Variants in ZNF648 observed in about 807,000 individuals in gnomAD.
The protein encoded by ZNF648 is zinc finger protein 648.
A neutral mutation model predicts 0.3 loss-of-function variants in ZNF648; 1 was observed. The observed-to-expected ratio is 3.90, with a 90% confidence interval of 1.39 to 18.51. ZNF648 has a LOEUF of 18.51. Among genes scored for constraint, ZNF648 ranks in the 30% most tolerant of loss-of-function variants. The pLI, the probability that ZNF648 is intolerant of heterozygous loss-of-function variation, is 0.11. For synonymous variants in ZNF648, 376 were observed against 326.8 expected (o/e 1.15, Z -1.62); for missense variants, 874 against 769.7 (o/e 1.14, Z -1.60).
Position 182,056,155 on chromosome 1 carries a change from T to G in ZNF648, c.*149A>C. The G allele has an allele frequency of 2.0e-6, 2 of 997,092 alleles. No homozygotes were observed. Among genetic ancestry groups the G allele is most frequent in the South Asian group, 2.5e-5 (1 of 40,054 alleles). The allele number at this position is 997,092 out of a possible 1,614,324, so 61.8% of individuals were successfully genotyped here. A position where few individuals can be genotyped will look rare whatever the true frequency, so the allele number is the denominator to read the frequency against. ...ACCTGGGTGCTCTCTCGGTGGTGAC[T>G]TTCTGTTCAAGGGATCAAATAAATA... On this transcript the variant is annotated 3_prime_UTR_variant, in exon 2 of 2. Transcript: ENST00000339948.
At chr1:182,059,403 G>A (rs1194898588) in intron 1 of ZNF648, among the ~76,000 whole-genome samples, 4 of 152,202 alleles carry the variant, frequency 2.6e-5, no homozygotes, top group African/African-American at 9.7e-5. Flanking sequence ...GATTTTAAAG[G>A]AGTTACTAGA....
chr1:182,064,712 G>A (rs1162620317), upstream of ZNF648: 1 of 152,228 alleles, frequency 6.6e-6, no homozygotes, highest in Non-Finnish European at 1.5e-5. Flanking sequence ...CATTTGGGGA[G>A]AGCATGGGAT....
chr1:182,056,966 C>T lies in ZNF648; in HGVS notation c.1045G>A (p.Asp349Asn), dbSNP rs776181124. 2 of 1,613,480 alleles carry T rather than the reference C, an allele frequency of 1.2e-6. No homozygotes were observed. The highest frequency in any genetic ancestry group is 1.1e-5 in the South Asian group (1 of 91,038). ...ATGTTGCGCTGGTGTTTGCGCAGGT[C>T]CGAAGAGCGCACGAAGGCCTTCCCG... ...DCGKAFVRSS[D>N]LRKHQRNMHS... Residue 349 changes from aspartate to asparagine, a missense_variant, in exon 2 of 2, where the codon GAC (aspartate) becomes AAC (asparagine). Coordinates refer to ENST00000339948, the MANE Select transcript of ZNF648 (RefSeq NM_001009992.1).
At chr1:182,068,943 C>T in the ZNF648 span, 3 of 5,888 alleles carry the variant, frequency 5.1e-4, no homozygotes, top group Admixed American at 6.9e-3. Flanking sequence ...AAATTTTCCT[C>T]TCTGTTCTTA....
rs775490974 is a variant in ZNF648 at position 182,056,467 on chromosome 1, A to T, written c.1544T>A (p.Ile515Asn). The change falls in exon 2 of 2, where the codon ATT (isoleucine) becomes AAT (asparagine). Residue 515 changes from isoleucine (I) to asparagine (N), a missense_variant. By Grantham distance (149) the Ile-to-Asn change is moderately radical (BLOSUM62 -3). Transcript: ENST00000339948. ...LCAECGRAFR[I>N]ASELAQHIRM... The stretch of plus-strand genomic sequence containing the variant: ...TATGTGCTGGGCCAACTCAGAGGCA[A>T]TGCGGAAGGCCCTGCCGCACTCGGC... 6.2e-7 allele frequency: 1 copy of T among 1,613,924 alleles called. No homozygotes were observed. Among genetic ancestry groups the T allele is most frequent in the Non-Finnish European group, 8.5e-7 (1 of 1,179,934 alleles).
rs1665908884 is a variant in ZNF648 at position 182,056,407 on chromosome 1, TCA to T, written c.1602_1603del (p.Cys534Ter). On this transcript the variant is annotated stop_gained and frameshift_variant, in exon 2 of 2. Transcript: ENST00000339948. LOFTEE classifies it low-confidence loss of function (END_TRUNC). ...CCTGGTGAAGGCCTGGCCGCAGTCC[TCA>T]CACTGGTAGGGCCTCTCTCCGTTGT... The T allele has an allele frequency of 1.9e-6, 3 of 1,614,040 alleles. No homozygotes were observed. The Admixed American group carries it at 5.0e-5, about 27-fold the overall frequency.
chr1:182,056,577 G>T lies in ZNF648; in HGVS notation c.1434C>A (p.Cys478Ter). Residue 478 changes from cysteine to a stop codon, truncating the protein, a stop_gained, in exon 2 of 2, where the codon TGC becomes TGA. Coordinates refer to ENST00000339948, the MANE Select transcript of ZNF648 (RefSeq NM_001009992.1). LOFTEE classifies it low-confidence loss of function (END_TRUNC). ...GGGCAAAGGCCTGGCCACACTGCGT[G>T]CAAGGAAAGGGCCTCTCGCCAGTGT... ...RIHTGERPFP[C>*]TQCGQAFARS... is the part of the protein sequence containing the mutation. The T allele has an allele frequency of 6.2e-7, 1 of 1,614,052 alleles. No individual in the cohort carries two copies. The highest frequency in any genetic ancestry group is 8.5e-7 in the Non-Finnish European group (1 of 1,179,974).
Position 182,057,868 on chromosome 1 carries a change from G to A in ZNF648, c.143C>T (p.Thr48Ile), listed in dbSNP as rs1231617036. ...EDGGEAEKEG[T>I]ADPVACPRGS... The stretch of plus-strand genomic sequence containing the variant: ...CCTTGGACAGGCCACCGGGTCAGCG[G>A]TGCCCTCTTTTTCGGCCTCCCCACC... The change falls in exon 2 of 2, where the codon ACC becomes ATC. Residue 48 changes from threonine (T) to isoleucine (I), a missense_variant. By Grantham distance (89) the Thr-to-Ile change is moderately conservative. Transcript: ENST00000339948. 5 of 1,614,162 alleles carry A rather than the reference G, an allele frequency of 3.1e-6. No individual in the cohort carries two copies. The highest frequency in any genetic ancestry group is 2.2e-5 in the East Asian group (1 of 44,858).
rs1378816123 is a variant in ZNF648, at chr1:182,057,936, G to A, written c.75C>T (p.Asp25=). Reference sequence around the variant, plus strand: ...CTAAGTTCATGCTCAGCATCTGGGTGTCATGAGCTTCCTCAGTCAAGCTGC... The same window carrying A: ...CTAAGTTCATGCTCAGCATCTGGGTATCATGAGCTTCCTCAGTCAAGCTGC... ...PLSSLTEEAH[D]TQMLSMNLES... Residue 25 remains aspartate (D), a synonymous_variant, in exon 2 of 2, where the codon GAC becomes GAT. Transcript: ENST00000339948. The A allele has an allele frequency of 2.5e-6, 4 of 1,613,968 alleles. No individual in the cohort carries two copies. The African/African-American group carries it at 4.0e-5, about 16-fold the overall frequency.
chr1:182,062,625 A>C (rs987434218), upstream of ZNF648: 1 of 152,214 alleles, frequency 6.6e-6, no homozygotes, highest in Non-Finnish European at 1.5e-5. Context: ...TAATGCATGT[A>C]AGGAGCTTAG....
In ZNF648 at chr1:182,057,178, C is replaced by A; in HGVS notation, c.833G>T (p.Arg278Leu). Reference sequence around the variant, plus strand: ...CTTCCCGCATAGCTCGCACGCGTAGCGCTTGGCGGCGCCGCCGCGCGTCTC... The same window carrying A: ...CTTCCCGCATAGCTCGCACGCGTAGAGCTTGGCGGCGCCGCCGCGCGTCTC... ...PAETRGGAAK[R>L]YACELCGKAY... The change falls in exon 2 of 2, where the codon CGC (arginine) becomes CTC (leucine). Residue 278 changes from arginine to leucine, a missense_variant. Transcript: ENST00000339948. 6.3e-7 allele frequency: 1 copy of A among 1,583,902 alleles called. No individual in the cohort carries two copies. The highest frequency in any genetic ancestry group is 1.8e-5 in the Admixed American group (1 of 56,786).
upstream of ZNF648, among the ~76,000 whole-genome samples, chr1:182,065,844 A>G (rs373777641): frequency 9.5e-4 from 144 of 152,304 alleles, 3 homozygotes; most frequent in South Asian, 0.025. Context: ...TGGTCAACCT[A>G]TTGCTCAGAC....
intron 1 of ZNF648, among the ~76,000 whole-genome samples, chr1:182,060,927 C>T (rs905152378): frequency 6.6e-6 from 1 of 152,160 alleles, no homozygotes; most frequent in Non-Finnish European, 1.5e-5. Flanking sequence ...GCACAAATAC[C>T]CCATTTTCCA....
In ZNF648 at chr1:182,055,484, G is replaced by C. The variant is rs190957710; in HGVS notation, c.*820C>G. Reference sequence around the variant, plus strand: ...ATCACATATGACTTAAGCCCTCAGAGTGCAAACAGGAAAAGAGGCAGCCAG... The same window carrying C: ...ATCACATATGACTTAAGCCCTCAGACTGCAAACAGGAAAAGAGGCAGCCAG... On this transcript the variant is annotated 3_prime_UTR_variant, in exon 2 of 2. Transcript: ENST00000339948. This position sits in a 1 kb window ranked among gnomAD's most constrained non-coding sequence, Gnocchi z 4.1. 3 of 152,340 alleles carry C rather than the reference G, an allele frequency of 2.0e-5. No individual in the cohort carries two copies. The highest frequency in any genetic ancestry group is 4.8e-5 in the African/African-American group (2 of 41,580). 9.4% of individuals were successfully genotyped at this position (152,340 alleles called of 1,614,324 possible). A position where few individuals can be genotyped will look rare whatever the true frequency, so the allele number is the denominator to read the frequency against.
At position 182,061,624 on chromosome 1, in the gene ZNF648, C is replaced by T. The variant is rs1666032928; in HGVS notation, c.-120G>A. ...TGCCCTGGCTTCTGTGACACGTGGGCTCTCAGCAACAGGAACCAGTTAGGT... is the reference window on the plus strand; with the variant it reads ...TGCCCTGGCTTCTGTGACACGTGGGTTCTCAGCAACAGGAACCAGTTAGGT... On this transcript the variant is annotated 5_prime_UTR_variant, in exon 1 of 2. Transcript: ENST00000339948. 6.6e-6 allele frequency: 1 copy of T among 152,388 alleles called. No homozygotes were observed. The highest frequency in any genetic ancestry group is 1.5e-5 in the Non-Finnish European group (1 of 68,174). 9.4% of individuals were successfully genotyped at this position (152,388 alleles called of 1,614,324 possible).
Position 182,056,859 on chromosome 1 carries a change from G to C in ZNF648, c.1152C>G (p.Arg384=). ...GGAAGGGCTTGGCGCCCAGGTGCGT[G>C]CGCTGGTGGCGCAGCAGCGACAGCG... is the stretch of plus-strand genomic sequence containing the variant. The part of the protein sequence containing the change: ...NKPLSLLRHQ[R]THLGAKPFRC... The change falls in exon 2 of 2, where the codon CGC becomes CGG. Residue 384 remains arginine, a synonymous_variant. Coordinates refer to ENST00000339948, the MANE Select transcript of ZNF648 (RefSeq NM_001009992.1). 1.3e-6 allele frequency: 2 copies of C among 1,564,396 alleles called. No homozygotes were observed. The highest frequency in any genetic ancestry group is 2.7e-5 in the African/African-American group (2 of 73,926).
chr1:182,066,206 G>A (rs2101924136), upstream of ZNF648, among the ~76,000 whole-genome samples: 1 of 152,356 alleles, frequency 6.6e-6, no homozygotes, highest in South Asian at 2.1e-4. Context: ...AGCAGAGACT[G>A]AAGGAGTAAC....
rs1222904040 is a variant in ZNF648, at chr1:182,057,803, A to G, written c.208T>C (p.Trp70Arg). 5.6e-6 allele frequency: 9 copies of G among 1,614,096 alleles called. No homozygotes were observed. The Middle Eastern group carries it at 4.9e-4, about 88-fold the overall frequency. Reference sequence around the variant, plus strand: ...TCCTCTTTGCCCAGTGGATGGGGCCATGGCAAGTCAGGATTTTCGTGTGTT... The same window carrying G: ...TCCTCTTTGCCCAGTGGATGGGGCCGTGGCAAGTCAGGATTTTCGTGTGTT... The part of the protein sequence containing the change: ...PVTHENPDLP[W>R]PHPLGKEEEK... Residue 70 changes from tryptophan to arginine, a missense_variant, in exon 2 of 2, where the codon TGG becomes CGG. Coordinates refer to ENST00000339948, the MANE Select transcript of ZNF648 (RefSeq NM_001009992.1).
rs1248366913 is a variant in ZNF648, at chr1:182,056,616, G to A, written c.1395C>T (p.Arg465=). The A allele has an allele frequency of 1.2e-6, 2 of 1,612,440 alleles. No individual in the cohort carries two copies. The highest frequency in any genetic ancestry group is 1.7e-6 in the Non-Finnish European group (2 of 1,179,386). The change falls in exon 2 of 2, where the codon CGC becomes CGT. Residue 465 remains arginine, a synonymous_variant. Coordinates refer to ENST00000339948, the MANE Select transcript of ZNF648 (RefSeq NM_001009992.1). ...TCTCGCCAGTGTGGATGCGCTGGTG[G>A]CGCACGAGGCGCGAGGGCTGCGCGA... The part of the protein sequence containing the change: ...VAFAQPSRLV[R]HQRIHTGERP...
Sources: allele counts gnomAD v4.1 joint callset (sites outside exome capture counted in the v4.1 genomes callset), GRCh38; gene constraint gnomAD v4.1.1; non-coding constraint Gnocchi (gnomAD v3.1); transcripts MANE v1.5; gene names NCBI Gene and HGNC (gene_info 2026-07-23, HGNC 2026-07-21).